The following PTPRT variants were observed in gnomAD, a reference collection of about 807,000 sequenced individuals.
PTPRT encodes the protein protein tyrosine phosphatase receptor type T.
Under a neutral mutation model 176.8 loss-of-function variants are expected in PTPRT, and 56 were observed. The observed-to-expected ratio is 0.32, with a 90% CI of 0.26 to 0.40. The LOEUF (loss-of-function observed/expected upper bound fraction) is 0.40. Among genes scored for constraint, PTPRT ranks in the 10% least tolerant of loss-of-function variants. PTPRT has a pLI of 1.00. For synonymous variants in PTPRT, 783 were observed against 739.0 expected, an observed-to-expected ratio of 1.06 and a Z score of -0.96; for missense variants, 1,540 against 1,908.2, an observed-to-expected ratio of 0.81 and a Z score of 3.60.
intron 1 of PTPRT, among the ~76,000 whole-genome samples, chr20:43,100,646 G>C (rs1366484635): frequency 6.6e-6 from 1 of 152,152 alleles, no homozygotes; most frequent in African/African-American, 2.4e-5. Flanking sequence ...CTCTGTGTTA[G>C]AGGTCAGGGA....
chr20:43,140,950 T>C (rs2013985008), intron 1 of PTPRT, among the ~76,000 whole-genome samples: 1 of 152,130 alleles, frequency 6.6e-6, no homozygotes. Flanking sequence ...AGTCAACATA[T>C]TCGGACTCAC....
At chr20:42,744,623 T>G (rs2145354964) in intron 6 of PTPRT, among the ~76,000 whole-genome samples, 2 of 152,288 alleles carry the variant, frequency 1.3e-5, no homozygotes, top group South Asian at 4.2e-4. Flanking sequence ...CCCCAAGGCT[T>G]AGTAGCTTAA....
chr20:42,180,434 G>C (rs1031027940), intron 16 of PTPRT, among the ~76,000 whole-genome samples: 5 of 152,112 alleles, frequency 3.3e-5, no homozygotes, highest in African/African-American at 1.2e-4. Flanking sequence ...ATCCCATTCA[G>C]CATGTTCTAT....
intron 1 of PTPRT, among the ~76,000 whole-genome samples, chr20:43,083,343 T>TATATATATACAC (rs2011503930): frequency 8.7e-6 from 1 of 115,324 alleles, no homozygotes; most frequent in Non-Finnish European, 1.8e-5. Context: ...TATATATATA[T>TATATATATACAC]ATATATATAT....
chr20:42,848,054 C>T (rs1008723619), intron 2 of PTPRT, among the ~76,000 whole-genome samples: 1 of 152,154 alleles, frequency 6.6e-6, no homozygotes, highest in Non-Finnish European at 1.5e-5. Flanking sequence ...CAGAGCTTAG[C>T]TCCCACTTAT....
intron 1 of PTPRT, among the ~76,000 whole-genome samples, chr20:43,160,667 AT>A (rs939529042): frequency 1.1e-4 from 16 of 150,642 alleles, no homozygotes; most frequent in African/African-American, 3.0e-4. Context: ...TTGAAAGAAT[AT>A]TTTTTTTTTA....
chr20:42,511,881 C>T (rs1242270722), intron 7 of PTPRT, among the ~76,000 whole-genome samples: 1 of 152,080 alleles, frequency 6.6e-6, no homozygotes, highest in Admixed American at 6.6e-5. Flanking sequence ...CTATAGCAAC[C>T]TCTTTTCTTA....
Position 43,053,787 on chromosome 20 carries a change from G to A in PTPRT, c.88+135859C>T, listed in dbSNP as rs570229634. Among the ~76,000 whole-genome samples the A allele has an allele frequency of 1.4e-3, 206 of 152,194 alleles. 1 individual carries two copies. Among genetic ancestry groups the A allele is most frequent in the Middle Eastern group, 6.8e-3 (2 of 294 alleles). On this transcript the variant is annotated intron_variant, in intron 1 of 30. Transcript: ENST00000373187. ...AAACCAGGAGCTGTATCTGCTCACC[G>A]CTATAACCCCATGAACTAGCACCAA...
At chr20:42,768,909 C>T (rs1415050406) in intron 5 of PTPRT, among the ~76,000 whole-genome samples, 1 of 152,196 alleles carries the variant, frequency 6.6e-6, no homozygotes, top group East Asian at 1.9e-4. Context: ...GGGCATGCAA[C>T]TAAGAACTGC....
In PTPRT at chr20:42,211,236, G is replaced by A. The variant is rs888305564; in HGVS notation, c.2343-11848C>T. On this transcript the variant is annotated intron_variant, in intron 15 of 30. Transcript: ENST00000373187. ...ATTACCATTCAGGACATAGGCATGG[G>A]CAAGGACTTCATGTCTAAAACACCA... Among the ~76,000 whole-genome samples the A allele has an allele frequency of 1.4e-4, 22 of 151,956 alleles. 1 individual carries two copies. The highest frequency in any genetic ancestry group is 1.1e-3 in the Admixed American group (17 of 15,260).
chr20:42,298,660 C>T (rs1301680011), intron 12 of PTPRT, among the ~76,000 whole-genome samples: 1 of 152,164 alleles, frequency 6.6e-6, no homozygotes, highest in Non-Finnish European at 1.5e-5. Context: ...CGGTGGCTCA[C>T]GCCTGTAATC....
chr20:42,879,410 C>T lies in PTPRT; in HGVS notation c.214+6397G>A, dbSNP rs559609514. 2.0e-5 allele frequency among the ~76,000 whole-genome samples: 3 copies of T among 152,254 alleles called. No individual in the cohort carries two copies. In the East Asian group the frequency reaches 5.8e-4, roughly 29 times the overall value. On this transcript the variant is annotated intron_variant, in intron 2 of 30. Coordinates refer to ENST00000373187, the MANE Select transcript of PTPRT (RefSeq NM_007050.6). Reference sequence around the variant, plus strand: ...ACTGCCATCTGCATGTGGCCTCCTTCCCTATGTGTGTATGTATCTTTGCCT... The same window carrying T: ...ACTGCCATCTGCATGTGGCCTCCTTTCCTATGTGTGTATGTATCTTTGCCT...
At position 42,077,224 on chromosome 20, in the gene PTPRT, C is replaced by T. The variant is rs184981205; in HGVS notation, c.*3655G>A. The T allele has an allele frequency of 5.4e-6, 1 of 186,086 alleles. No homozygotes were observed. The highest frequency in any genetic ancestry group is 2.3e-5 in the African/African-American group (1 of 42,800). 11.5% of individuals were successfully genotyped at this position (186,086 alleles called of 1,614,324 possible). ...TAAAAGCAAACTGTCCCCTTCCATT[C>T]CCACAAAGAGAGGCCTACTGTGGCC... On this transcript the variant is annotated 3_prime_UTR_variant, in exon 31 of 31. Transcript: ENST00000373187.
At chr20:42,973,852 A>C (rs1982794274) in intron 1 of PTPRT, among the ~76,000 whole-genome samples, 1 of 152,224 alleles carries the variant, frequency 6.6e-6, no homozygotes, top group Non-Finnish European at 1.5e-5. Flanking sequence ...TTTTACCAGT[A>C]CTCCATTTAT....
chr20:42,340,321 T>C (rs1270898797), intron 11 of PTPRT, among the ~76,000 whole-genome samples: 3 of 152,214 alleles, frequency 2.0e-5, no homozygotes, highest in Non-Finnish European at 4.4e-5. Flanking sequence ...GCATGAATAC[T>C]TATATGTTTA....
At chr20:42,823,336 CTGAGAAT>C (rs1433953794) in intron 2 of PTPRT, among the ~76,000 whole-genome samples, 1 of 151,956 alleles carries the variant, frequency 6.6e-6, no homozygotes, top group Non-Finnish European at 1.5e-5. Flanking sequence ...GAGTTGAACA[CTGAGAAT>C]ACATGGACAC....
At chr20:42,937,653 A>G (rs998494567) in intron 1 of PTPRT, among the ~76,000 whole-genome samples, 3 of 152,244 alleles carry the variant, frequency 2.0e-5, no homozygotes, top group Admixed American at 2.0e-4. Context: ...GAGAGTTGAG[A>G]GCAGCTCTTC....
chr20:42,164,597 T>G (rs1000070895), intron 16 of PTPRT, among the ~76,000 whole-genome samples: 1 of 151,440 alleles, frequency 6.6e-6, no homozygotes, highest in African/African-American at 2.4e-5. Flanking sequence ...AAGTGATGTC[T>G]TTTATCACAC....
chr20:42,365,594 T>C (rs1352982120), intron 9 of PTPRT, among the ~76,000 whole-genome samples: 1 of 151,868 alleles, frequency 6.6e-6, no homozygotes, highest in African/African-American at 2.4e-5. Context: ...CGGGCCACAT[T>C]GGAAGAAGAA....
Sources: allele counts gnomAD v4.1 joint callset (sites outside exome capture counted in the v4.1 genomes callset), GRCh38; gene constraint gnomAD v4.1.1; transcripts MANE v1.5; gene names NCBI Gene and HGNC (gene_info 2026-07-23, HGNC 2026-07-21).